The following SMYD3 variants were observed in gnomAD, a reference collection of about 807,000 sequenced individuals.
SMYD3 encodes the protein SET and MYND domain containing 3, also known as histone-lysine N-methyltransferase SMYD3.
Under a neutral mutation model 57.7 loss-of-function variants are expected in SMYD3, and 36 were observed. The ratio of observed to expected loss-of-function variants is 0.62; its 90% confidence interval spans 0.48 to 0.82. The LOEUF is 0.82. Among genes scored for constraint, SMYD3 ranks in the 40% least tolerant of loss-of-function variants. The pLI is 0.00. For synonymous variants in SMYD3, 211 were observed against 195.0 expected (o/e 1.08, Z -0.68); for missense variants, 515 against 538.8 (o/e 0.96, Z 0.44).
intron 9 of SMYD3, among the ~76,000 whole-genome samples, chr1:245,862,092 TGTTTTCC>T (rs3086276): frequency 0.55 from 84,111 of 151,618 alleles, 26,488 homozygotes; most frequent in Non-Finnish European, 0.73. Flanking sequence ...CAGAGTTGAC[TGTTTTCC>T]GTTTTCCTAG....
intron 1 of SMYD3, among the ~76,000 whole-genome samples, chr1:246,477,585 T>C (rs918721446): frequency 4.6e-5 from 7 of 152,242 alleles, no homozygotes; most frequent in East Asian, 1.9e-4. Flanking sequence ...TACTATGTCA[T>C]AGTTCTTTGT....
chr1:246,354,603 A>G (rs2148704927), intron 2 of SMYD3, among the ~76,000 whole-genome samples: 1 of 136,518 alleles, frequency 7.3e-6, no homozygotes, highest in East Asian at 2.8e-4. Flanking sequence ...AGATCGTTAA[A>G]TGAAAAAAAA....
intron 2 of SMYD3, among the ~76,000 whole-genome samples, chr1:246,347,242 A>G (rs2065737357): frequency 6.6e-6 from 1 of 152,192 alleles, no homozygotes; most frequent in Admixed American, 6.5e-5. Context: ...GAATAAAGAG[A>G]GAATGGAACA....
At chr1:246,506,978 G>GCCCCCCCCCCCCCCCCCC in intron 1 of SMYD3, 76 bp downstream of exon 1, 21 of 1,174,492 alleles carry the variant, frequency 1.8e-5, no homozygotes, top group East Asian at 7.0e-5. Context: ...CGCGGCTGCC[G>GCCCCCCCCCCCCCCCCCC]GCCGCCCGAC....
At chr1:245,935,166 G>T (rs537795586) in intron 5 of SMYD3, among the ~76,000 whole-genome samples, 1 of 152,214 alleles carries the variant, frequency 6.6e-6, no homozygotes, top group Non-Finnish European at 1.5e-5. Flanking sequence ...CGGATAAGAG[G>T]TTAATACCTA....
intron 5 of SMYD3, among the ~76,000 whole-genome samples, chr1:246,022,593 T>C (rs2059491868): frequency 6.6e-6 from 1 of 152,234 alleles, no homozygotes. Flanking sequence ...TGCTACATTA[T>C]GTATATGGAC....
chr1:245,875,768 C>T (rs189266685), intron 8 of SMYD3, among the ~76,000 whole-genome samples: 5 of 152,324 alleles, frequency 3.3e-5, no homozygotes, highest in Admixed American at 3.3e-4. Context: ...AATTACACAG[C>T]CCTAGCTGTT....
chr1:246,478,079 G>T (rs1027482963), intron 1 of SMYD3, among the ~76,000 whole-genome samples: 1 of 151,132 alleles, frequency 6.6e-6, no homozygotes, highest in Non-Finnish European at 1.5e-5. Flanking sequence ...ATCTGTTGAG[G>T]ACCTACTGAG....
At chr1:246,278,338 C>T (rs1407987015) in intron 5 of SMYD3, among the ~76,000 whole-genome samples, 1 of 152,126 alleles carries the variant, frequency 6.6e-6, no homozygotes, top group Non-Finnish European at 1.5e-5. Flanking sequence ...GTACAATCCC[C>T]TCGCCTTGCC....
intron 1 of SMYD3, among the ~76,000 whole-genome samples, chr1:246,431,250 G>C (rs894573096): frequency 4.6e-5 from 7 of 151,976 alleles, no homozygotes; most frequent in African/African-American, 1.7e-4. Flanking sequence ...CGCACACATA[G>C]GATTTTTACA....
chr1:245,986,342 A>G (rs2058704747), intron 5 of SMYD3, among the ~76,000 whole-genome samples: 1 of 152,218 alleles, frequency 6.6e-6, no homozygotes, highest in African/African-American at 2.4e-5. Flanking sequence ...AGGGAAGCAG[A>G]TACTTGAGAG....
In SMYD3 at chr1:245,781,799, G is replaced by A. The variant is rs369127062; in HGVS notation, c.1077-17650C>T. 1.4e-3 allele frequency among the ~76,000 whole-genome samples: 206 copies of A among 152,072 alleles called. 6 individuals are homozygous for A. In the South Asian group the frequency reaches 0.04, roughly 30 times the overall value. On this transcript the variant is annotated intron_variant, in intron 10 of 11. Transcript: ENST00000490107. ...ATCCTGGCTAATACGGTGAAACCCC[G>A]TCTCCACTAAAAGTCCAAATTTAGC...
intron 5 of SMYD3, among the ~76,000 whole-genome samples, chr1:246,032,007 C>T (rs2059686188): frequency 6.6e-6 from 1 of 152,068 alleles, no homozygotes; most frequent in Non-Finnish European, 1.5e-5. Flanking sequence ...ACCCTTACAC[C>T]CTCGAAGCAA....
Position 246,160,248 on chromosome 1 carries a change from A to C in SMYD3, c.531+166953T>G, listed in dbSNP as rs545222523. The stretch of plus-strand genomic sequence containing the variant: ...TTATAGGAAGTGTTTATTTGTTCTA[A>C]TATTTTCATTTATTTCAAAGTTCTA... On this transcript the variant is annotated intron_variant, in intron 5 of 11. Coordinates refer to ENST00000490107, the MANE Select transcript of SMYD3 (RefSeq NM_001167740.2). 9.4e-4 allele frequency among the ~76,000 whole-genome samples: 143 copies of C among 152,294 alleles called. 1 individual carries two copies. The highest frequency in any genetic ancestry group is 3.1e-3 in the African/African-American group (129 of 41,580).
chr1:246,366,723 C>T (rs2066109012), intron 1 of SMYD3, among the ~76,000 whole-genome samples: 1 of 151,930 alleles, frequency 6.6e-6, no homozygotes, highest in East Asian at 1.9e-4. Context: ...ATCACGAGGT[C>T]AGGAGTTTGA....
chr1:246,502,269 G>A (rs1001555528), intron 1 of SMYD3, among the ~76,000 whole-genome samples: 26 of 151,926 alleles, frequency 1.7e-4, no homozygotes, highest in African/African-American at 6.3e-4. Context: ...CTTCTGAGTA[G>A]CTGGGACTAC....
At chr1:246,079,201 CA>C (rs2060597280) in intron 5 of SMYD3, among the ~76,000 whole-genome samples, 1 of 152,174 alleles carries the variant, frequency 6.6e-6, no homozygotes, top group Admixed American at 6.5e-5. Context: ...ATCATATGTA[CA>C]GCTTCACTGG....
chr1:246,196,235 C>T (rs1471030089), intron 5 of SMYD3, among the ~76,000 whole-genome samples: 1 of 152,236 alleles, frequency 6.6e-6, no homozygotes, highest in East Asian at 1.9e-4. Flanking sequence ...CTGATCAATG[C>T]TTGTACAGTG....
chr1:246,146,203 T>G (rs1486478338), intron 5 of SMYD3, among the ~76,000 whole-genome samples: 5 of 152,160 alleles, frequency 3.3e-5, no homozygotes, highest in Non-Finnish European at 7.3e-5. Flanking sequence ...AGGTGCACCA[T>G]GCAGGAAGAA....
Sources: gnomAD v4.1 joint callset for allele counts (sites outside exome capture counted in the v4.1 genomes callset) on GRCh38, gnomAD v4.1.1 for gene constraint, MANE v1.5 for transcripts, NCBI Gene and HGNC (gene_info 2026-07-23, HGNC 2026-07-21) for gene names.